Variants in URM1 observed in about 807,000 individuals in gnomAD.
URM1 encodes the protein ubiquitin related modifier 1.
URM1 carries 11 observed loss-of-function variants against 17.7 expected under a neutral mutation model. That is an observed-to-expected ratio of 0.62 (90% confidence interval 0.39 to 1.03). URM1 has a LOEUF of 1.03. Among genes scored for constraint, URM1 ranks in the 50% least tolerant of loss-of-function variants. The pLI is 0.00. For synonymous variants in URM1, 48 were observed against 50.6 expected (o/e 0.95, Z 0.22); for missense variants, 128 against 129.2 (o/e 0.99, Z 0.04).
chr9:128,386,869 C>T (rs560281183), intron 2 of URM1, among the ~76,000 whole-genome samples: 3 of 152,344 alleles, frequency 2.0e-5, no homozygotes, highest in African/African-American at 4.8e-5. Context: ...TTCCCAGAGG[C>T]GAGTTGTCTC....
intron 1 of URM1, among the ~76,000 whole-genome samples, chr9:128,375,503 G>C (rs1311266531): frequency 6.6e-6 from 1 of 152,076 alleles, no homozygotes; most frequent in Non-Finnish European, 1.5e-5. Flanking sequence ...TTGAGCCCAG[G>C]AGTTCAAGAC....
At chr9:128,389,201 C>T (rs1310355950) in intron 3 of URM1, 60 bp from the exon 4 acceptor site, 1 of 1,543,430 alleles carries the variant, frequency 6.5e-7, no homozygotes. Context: ...AGCCTCTCTT[C>T]CTCTGTGCTA....
In URM1 at chr9:128,389,072, C is replaced by G. The variant is rs867930182; in HGVS notation, c.189-189C>G. The G allele has an allele frequency of 1.2e-5, 17 of 1,378,198 alleles. No homozygotes were observed. In the Middle Eastern group the frequency reaches 1.4e-3, roughly 110 times the overall value. The allele number at this position is 1,378,198 out of a possible 1,614,324, so 85.4% of individuals were successfully genotyped here. On this transcript the variant is annotated intron_variant, in intron 3 of 4. Coordinates refer to ENST00000372853, the MANE Select transcript of URM1 (RefSeq NM_030914.4). Reference sequence around the variant, plus strand: ...CCCATTTTCCATCTGGCTACAAAGACCATGCATGACTGACCTGGTTTCCTT... The same window carrying G: ...CCCATTTTCCATCTGGCTACAAAGAGCATGCATGACTGACCTGGTTTCCTT...
In URM1 at chr9:128,387,847, G is replaced by A. The variant is rs773280954; in HGVS notation, c.138G>A (p.Lys46=). 1 of 1,614,186 alleles carries A rather than the reference G, an allele frequency of 6.2e-7. No individual in the cohort carries two copies. The highest frequency in any genetic ancestry group is 2.2e-5 in the East Asian group (1 of 44,878). ...TCCGGAACCTGCTCATCTGGATCAA[G>A]AAGAATTTGCTAAAAGAGCGGCCAG... is the stretch of plus-strand genomic sequence containing the variant. ...WDIRNLLIWI[K]KNLLKERPEL... The change falls in exon 3 of 5, where the codon AAG becomes AAA. Residue 46 remains lysine, a synonymous_variant. Coordinates refer to ENST00000372853, the MANE Select transcript of URM1 (RefSeq NM_030914.4). This position sits in a 1 kb window ranked among gnomAD's most constrained non-coding sequence, Gnocchi z 4.3.
chr9:128,389,811 G>A lies in URM1; in HGVS notation c.*77G>A. 1 of 1,590,718 alleles carries A rather than the reference G, an allele frequency of 6.3e-7. No individual in the cohort carries two copies. Among genetic ancestry groups the A allele is most frequent in the Non-Finnish European group, 8.6e-7 (1 of 1,165,336 alleles). On this transcript the variant is annotated 3_prime_UTR_variant, in exon 5 of 5. Coordinates refer to ENST00000372853, the MANE Select transcript of URM1 (RefSeq NM_030914.4). ...ACATCCCCTTGGGCCCTGCTTCCAG[G>A]TCTCCCTGTCCCCCTTGCCTGCCTT...
At chr9:128,375,975 C>G (rs559062275) in intron 1 of URM1, among the ~76,000 whole-genome samples, 50 of 152,226 alleles carry the variant, frequency 3.3e-4, no homozygotes, top group African/African-American at 1.2e-3. Flanking sequence ...GCTCCAAAGG[C>G]TGTGTTCTGC....
chr9:128,373,203 A>G (rs1050767236), intron 1 of URM1, among the ~76,000 whole-genome samples: 35 of 32,184 alleles, frequency 1.1e-3, no homozygotes, highest in African/African-American at 4.0e-3. Flanking sequence ...CCCACCTTCT[A>G]TCACCTCCTG....
At chr9:128,385,389 T>C (rs1435481119) in intron 2 of URM1, among the ~76,000 whole-genome samples, 1 of 152,176 alleles carries the variant, frequency 6.6e-6, no homozygotes, top group Non-Finnish European at 1.5e-5. Flanking sequence ...GGTAGCTCTG[T>C]TTCCCTCTTG....
chr9:128,377,163 C>T (rs539718389), intron 1 of URM1, among the ~76,000 whole-genome samples: 17 of 152,280 alleles, frequency 1.1e-4, no homozygotes, highest in African/African-American at 3.4e-4. Context: ...TGAGCCACCA[C>T]ACCTAGCCGG....
intron 1 of URM1, among the ~76,000 whole-genome samples, chr9:128,372,837 G>A (rs1025386816): frequency 2.6e-5 from 4 of 152,056 alleles, no homozygotes; most frequent in African/African-American, 9.7e-5. Context: ...ACTTTGGGAG[G>A]CTTGGGCAGG....
intron 2 of URM1, among the ~76,000 whole-genome samples, chr9:128,384,543 C>T (rs192817112): frequency 2.9e-4 from 44 of 152,266 alleles, no homozygotes; most frequent in African/African-American, 6.5e-4. Context: ...AAACCCCAGC[C>T]GGTCCCAGCA....
At chr9:128,388,059 A>T in intron 3 of URM1, 162 bp downstream of exon 3, 1 of 1,356,728 alleles carries the variant, frequency 7.4e-7, no homozygotes. Context: ...CTTGTTACTA[A>T]ACCGAACTCT....
intron 1 of URM1, among the ~76,000 whole-genome samples, chr9:128,375,149 T>C (rs1272319063): frequency 6.6e-6 from 1 of 152,246 alleles, no homozygotes; most frequent in African/African-American, 2.4e-5. Context: ...TCCTTCCTTC[T>C]TCCCTGGGAC....
chr9:128,390,142 T>G lies in URM1; in HGVS notation c.*408T>G. 1 of 216,108 alleles carries G rather than the reference T, an allele frequency of 4.6e-6. No homozygotes were observed. Among genetic ancestry groups the G allele is most frequent in the Admixed American group, 5.4e-5 (1 of 18,538 alleles). The allele number at this position is 216,108 out of a possible 1,614,324, so 13.4% of individuals were successfully genotyped here. A position where few individuals can be genotyped will look rare whatever the true frequency, so the allele number is the denominator to read the frequency against. ...CATGGGGAAGATGAATGGACCTGAGTAGCTGAAGGAAGGCCCCTCCCTACC... is the reference window on the plus strand; with the variant it reads ...CATGGGGAAGATGAATGGACCTGAGGAGCTGAAGGAAGGCCCCTCCCTACC... On this transcript the variant is annotated 3_prime_UTR_variant, in exon 5 of 5. Coordinates refer to ENST00000372853, the MANE Select transcript of URM1 (RefSeq NM_030914.4).
intron 2 of URM1, among the ~76,000 whole-genome samples, chr9:128,383,843 A>G (rs1230989947): frequency 1.3e-5 from 2 of 152,198 alleles, no homozygotes; most frequent in Non-Finnish European, 2.9e-5. Context: ...CCCCCAGAAT[A>G]GGACAAGTCC....
chr9:128,371,505 G>A (rs1833012263), intron 1 of URM1, 90 bp downstream of exon 1: 2 of 1,354,602 alleles, frequency 1.5e-6, no homozygotes, highest in Admixed American at 1.9e-5. Flanking sequence ...TGACACGGCC[G>A]AATCACTGGG....
chr9:128,379,486 A>AT (rs1203428021), intron 2 of URM1, among the ~76,000 whole-genome samples: 1 of 151,634 alleles, frequency 6.6e-6, no homozygotes, highest in Non-Finnish European at 1.5e-5. Flanking sequence ...TCTCAAAAAA[A>AT]GAAAAAGAAA....
chr9:128,384,485 C>G (rs1191418174), intron 2 of URM1, among the ~76,000 whole-genome samples: 2 of 152,160 alleles, frequency 1.3e-5, no homozygotes, highest in Non-Finnish European at 2.9e-5. Context: ...CTCGCAGTCC[C>G]CTCATTCCCT....
rs551540886 is a variant in URM1, at chr9:128,387,056, C to T, written c.107-760C>T. On this transcript the variant is annotated intron_variant, in intron 2 of 4. Transcript: ENST00000372853. The surrounding 1 kb of genome is among the most constrained non-coding windows in gnomAD (Gnocchi z 4.3). ...CTGCCCCTAGGAAAGGACAGGTGAC[C>T]CTGAAGACAGGTGGCTCTGAGCCTC... 1.3e-5 allele frequency among the ~76,000 whole-genome samples: 2 copies of T among 152,300 alleles called. No homozygotes were observed. Among genetic ancestry groups the T allele is most frequent in the East Asian group, 3.9e-4 (2 of 5,180 alleles).
Sources: allele counts gnomAD v4.1 joint callset (sites outside exome capture counted in the v4.1 genomes callset), GRCh38; gene constraint gnomAD v4.1.1; non-coding constraint Gnocchi (gnomAD v3.1); transcripts MANE v1.5; gene names NCBI Gene and HGNC (gene_info 2026-07-23, HGNC 2026-07-21).